The following KIAA1217 variants were observed in gnomAD, a reference collection of about 807,000 sequenced individuals.
KIAA1217 encodes KIAA1217, also known as sickle tail protein homolog.
In KIAA1217, 88 loss-of-function variants were observed where a neutral mutation model predicts 163.9. The observed-to-expected ratio is 0.54, with a 90% CI of 0.45 to 0.64. The LOEUF (loss-of-function observed/expected upper bound fraction) is 0.64. KIAA1217 is among the 30% of genes least tolerant of loss of function. The probability of loss-of-function intolerance (pLI) is 0.00; values close to 1 mark genes in which losing one functional copy is unlikely to be tolerated. For missense variants in KIAA1217, 2,372 were observed against 2,475.0 expected (o/e 0.96, Z 0.88); for synonymous variants, 903 against 923.1 (o/e 0.98, Z 0.39).
At chr10:24,504,588 G>A (rs1036343159) in intron 9 of KIAA1217, among the ~76,000 whole-genome samples, 1 of 152,182 alleles carries the variant, frequency 6.6e-6, no homozygotes, top group African/African-American at 2.4e-5. Flanking sequence ...CAATAATGGA[G>A]CTATCATTAG....
At chr10:23,898,909 T>C (rs1282716592) in intron 1 of KIAA1217, among the ~76,000 whole-genome samples, 1 of 152,140 alleles carries the variant, frequency 6.6e-6, no homozygotes, top group African/African-American at 2.4e-5. Context: ...TGTCAGAATT[T>C]CCTTCCTTTT....
chr10:24,259,905 C>A (rs764000965), intron 2 of KIAA1217, among the ~76,000 whole-genome samples: 1 of 152,182 alleles, frequency 6.6e-6, no homozygotes, highest in Non-Finnish European at 1.5e-5. Flanking sequence ...TTCTGTGGAA[C>A]TGGATTCTGA....
intron 2 of KIAA1217, among the ~76,000 whole-genome samples, chr10:24,345,498 G>T (rs758638801): frequency 6.6e-6 from 1 of 152,120 alleles, no homozygotes; most frequent in Non-Finnish European, 1.5e-5. Context: ...AACACTAACG[G>T]GACCATTAGA....
At chr10:24,144,407 A>C (rs1359183825) in intron 2 of KIAA1217, among the ~76,000 whole-genome samples, 1 of 152,230 alleles carries the variant, frequency 6.6e-6, no homozygotes, top group Non-Finnish European at 1.5e-5. Context: ...AAGAAGGGAT[A>C]CATGTTTTAA....
chr10:24,289,141 A>C (rs1385872880), intron 2 of KIAA1217, among the ~76,000 whole-genome samples: 1 of 152,232 alleles, frequency 6.6e-6, no homozygotes, highest in Non-Finnish European at 1.5e-5. Context: ...AAATAATAAT[A>C]CAAAGCCATT....
At chr10:24,233,407 C>T (rs2071732668) in intron 2 of KIAA1217, among the ~76,000 whole-genome samples, 1 of 152,172 alleles carries the variant, frequency 6.6e-6, no homozygotes, top group Admixed American at 6.5e-5. Flanking sequence ...CCATTAGGCC[C>T]CTTCAACTTT....
chr10:23,960,009 G>A (rs1024849534), intron 1 of KIAA1217, among the ~76,000 whole-genome samples: 1 of 145,466 alleles, frequency 6.9e-6, no homozygotes, highest in Admixed American at 7.2e-5. Context: ...TCCTCCTCCC[G>A]GGTTCACGCC....
chr10:24,260,548 G>A (rs929221118), intron 2 of KIAA1217, among the ~76,000 whole-genome samples: 6 of 142,546 alleles, frequency 4.2e-5, no homozygotes, highest in Non-Finnish European at 7.5e-5. Context: ...CCAGAAGCTC[G>A]AGACGATCCT....
intron 16 of KIAA1217, among the ~76,000 whole-genome samples, chr10:24,536,032 T>C (rs1054980345): frequency 6.6e-6 from 1 of 152,118 alleles, no homozygotes; most frequent in Non-Finnish European, 1.5e-5. Flanking sequence ...CTCATGATCA[T>C]ATTATCTGGG....
At chr10:23,743,258 A>G (rs1839214309) in intron 1 of KIAA1217, among the ~76,000 whole-genome samples, 2 of 150,600 alleles carry the variant, frequency 1.3e-5, no homozygotes, top group Non-Finnish European at 3.0e-5. Context: ...AAAAAAAATC[A>G]GTGTTTACGG....
Position 23,704,172 on chromosome 10 carries a change from G to GTGTGTGTGTATA in KIAA1217, c.-321+8939_-321+8940insGTGTGTGTATAT, listed in dbSNP as rs1229370789. 3.1e-3 allele frequency among the ~76,000 whole-genome samples: 122 copies of GTGTGTGTGTATA among 39,934 alleles called. 3 individuals carry two copies. The highest frequency in any genetic ancestry group is 4.9e-3 in the South Asian group (4 of 814). 26.2% of individuals were successfully genotyped at this position (39,934 alleles called of 152,430 possible). A position where few individuals can be genotyped will look rare whatever the true frequency, so the allele number is the denominator to read the frequency against. ...TGTGTGTGTGTGTGTGTGTGTGTGT[G>GTGTGTGTGTATA]TATATATATATATATATATATATAT... On this transcript the variant is annotated intron_variant, in intron 1 of 18. Coordinates refer to the KIAA1217 transcript ENST00000376462.
At chr10:23,781,205 C>A (rs1364229993) in intron 1 of KIAA1217, among the ~76,000 whole-genome samples, 1 of 152,166 alleles carries the variant, frequency 6.6e-6, no homozygotes, top group Non-Finnish European at 1.5e-5. Context: ...ATAATAGCTA[C>A]ACTAATTTAT....
At chr10:24,155,243 T>G (rs1206536002) in intron 2 of KIAA1217, among the ~76,000 whole-genome samples, 1 of 152,164 alleles carries the variant, frequency 6.6e-6, no homozygotes, top group Non-Finnish European at 1.5e-5. Flanking sequence ...TTTTTGCCCT[T>G]GACAAATGGC....
At chr10:24,029,697 G>A (rs754761894) in intron 2 of KIAA1217, among the ~76,000 whole-genome samples, 4 of 152,196 alleles carry the variant, frequency 2.6e-5, no homozygotes, top group Non-Finnish European at 4.4e-5. Flanking sequence ...GAGCCAAGGA[G>A]CCAGAAGACA....
intron 2 of KIAA1217, among the ~76,000 whole-genome samples, chr10:24,246,065 C>T (rs1243708294): frequency 6.6e-6 from 1 of 152,102 alleles, no homozygotes; most frequent in Non-Finnish European, 1.5e-5. Context: ...AGAAGGGTTG[C>T]ACGGGCTCCG....
intron 1 of KIAA1217, among the ~76,000 whole-genome samples, chr10:24,211,858 A>G (rs2068168574): frequency 6.6e-6 from 1 of 151,912 alleles, no homozygotes; most frequent in South Asian, 2.1e-4. Context: ...CATTTCCTGT[A>G]GCCTGGGCAG....
At chr10:23,854,175 G>A (rs927967196) in intron 1 of KIAA1217, among the ~76,000 whole-genome samples, 3 of 151,792 alleles carry the variant, frequency 2.0e-5, no homozygotes, top group East Asian at 1.9e-4. Flanking sequence ...CCCTCTACAT[G>A]CTGCTTTGAA....
chr10:23,791,909 C>A (rs1228323276), intron 1 of KIAA1217, among the ~76,000 whole-genome samples: 1 of 152,140 alleles, frequency 6.6e-6, no homozygotes, highest in Non-Finnish European at 1.5e-5. Flanking sequence ...TCGATGAAGA[C>A]TAATCCAGAA....
At chr10:24,237,311 ATCTC>A (rs1413289181) in intron 2 of KIAA1217, among the ~76,000 whole-genome samples, 1 of 152,158 alleles carries the variant, frequency 6.6e-6, no homozygotes, top group African/African-American at 2.4e-5. Flanking sequence ...GTTGTTCAAG[ATCTC>A]TCTGTCTTGA....
Sources: allele counts gnomAD v4.1 joint callset (sites outside exome capture counted in the v4.1 genomes callset), GRCh38; gene constraint gnomAD v4.1.1; transcripts MANE v1.5; gene names NCBI Gene and HGNC (gene_info 2026-07-23, HGNC 2026-07-21).